Variants in BAIAP2 observed in about 807,000 individuals in gnomAD.
BAIAP2 encodes the protein BAR/IMD domain containing adaptor protein 2.
BAIAP2 carries 18 observed loss-of-function variants against 63.0 expected under a neutral mutation model. That is an observed-to-expected ratio of 0.29 (90% CI 0.20 to 0.42). BAIAP2 has a LOEUF of 0.42. Among genes scored for constraint, BAIAP2 ranks in the 10% least tolerant of loss-of-function variants. The pLI is 1.00. For synonymous variants in BAIAP2, 386 were observed against 307.6 expected, an observed-to-expected ratio of 1.25 and a Z score of -2.67; for missense variants, 610 against 734.3, an observed-to-expected ratio of 0.83 and a Z score of 1.96.
intron 3 of BAIAP2, among the ~76,000 whole-genome samples, chr17:81,068,181 C>G (rs1053723549): frequency 2.0e-5 from 3 of 152,216 alleles, no homozygotes; most frequent in Non-Finnish European, 4.4e-5. Flanking sequence ...ACGGCCGGTG[C>G]TCTCAGGGCG....
chr17:81,093,349 C>T (rs975599223), intron 6 of BAIAP2, among the ~76,000 whole-genome samples: 1 of 152,202 alleles, frequency 6.6e-6, no homozygotes, highest in Non-Finnish European at 1.5e-5. Context: ...GGTAGCATTG[C>T]CCTGTCCACT....
intron 6 of BAIAP2, among the ~76,000 whole-genome samples, chr17:81,092,884 G>A (rs531754940): frequency 4.6e-5 from 7 of 152,290 alleles, no homozygotes; most frequent in South Asian, 2.1e-4. Flanking sequence ...TCCGCGGGGC[G>A]TGGTCACAGC....
At chr17:81,040,800 G>A (rs2046972962) in intron 1 of BAIAP2, among the ~76,000 whole-genome samples, 1 of 152,204 alleles carries the variant, frequency 6.6e-6, no homozygotes, top group South Asian at 2.1e-4. Flanking sequence ...TGAGGAGGTG[G>A]CCCTGGTGTG....
rs1028740031 is a variant in BAIAP2, at chr17:81,098,044, G to A, written c.490-1884G>A. 16 of 1,176,418 alleles carry A rather than the reference G, an allele frequency of 1.4e-5. No individual in the cohort carries two copies. In the South Asian group the frequency reaches 1.5e-4, roughly 11 times the overall value. 72.9% of individuals were successfully genotyped at this position (1,176,418 alleles called of 1,614,324 possible). ...GTGCCATAGGGCTGTGGTGTCACGC[G>A]CTACCCCAGACCTCAGGCACATGAT... On this transcript the variant is annotated intron_variant, in intron 6 of 13. Coordinates refer to ENST00000428708, the MANE Select transcript of BAIAP2 (RefSeq NM_001144888.2).
intron 3 of BAIAP2, among the ~76,000 whole-genome samples, chr17:81,070,091 C>T (rs374230829): frequency 4.6e-5 from 7 of 152,280 alleles, no homozygotes; most frequent in African/African-American, 7.2e-5. Flanking sequence ...TCTGAGTAGC[C>T]AGGACTACAG....
At chr17:81,089,752 C>T (rs1021938453) in intron 6 of BAIAP2, among the ~76,000 whole-genome samples, 7 of 152,076 alleles carry the variant, frequency 4.6e-5, no homozygotes, top group African/African-American at 1.4e-4. Context: ...TGCTAGTTGC[C>T]GAGGCAAATG....
intron 12 of BAIAP2, 173 bp from the exon 13 acceptor site, chr17:81,108,302 G>C: frequency 1.5e-6 from 1 of 661,024 alleles, no homozygotes; most frequent in Non-Finnish European, 2.6e-6. Context: ...ACTGGGACCA[G>C]GGCTCCAGGC....
At chr17:81,109,403 A>T in intron 13 of BAIAP2, 2 of 1,023,454 alleles carry the variant, frequency 2.0e-6, no homozygotes, top group Non-Finnish European at 2.3e-6. Context: ...AAAGAAAAAA[A>T]GAAAAACAGG....
chr17:81,110,861 C>T (rs2146125773), intron 13 of BAIAP2: 1 of 1,611,688 alleles, frequency 6.2e-7, no homozygotes, highest in Non-Finnish European at 8.5e-7. Context: ...CTCTGCACCC[C>T]CGAGTCCTCA....
At chr17:81,100,627 C>T (rs995655222) in intron 7 of BAIAP2, among the ~76,000 whole-genome samples, 1 of 152,162 alleles carries the variant, frequency 6.6e-6, no homozygotes, top group Admixed American at 6.5e-5. Context: ...GCCCCTAGGC[C>T]ACCCAAGACA....
chr17:81,109,396 GA>G (rs1568193293), intron 13 of BAIAP2: 30 of 807,388 alleles, frequency 3.7e-5, no homozygotes, highest in Non-Finnish European at 4.2e-5. Context: ...AAAAAAAAAA[GA>G]AAAAAAGAAA....
At chr17:81,080,517 G>A (rs1056313447) in intron 3 of BAIAP2, among the ~76,000 whole-genome samples, 2 of 152,208 alleles carry the variant, frequency 1.3e-5, no homozygotes, top group Admixed American at 6.5e-5. Flanking sequence ...CTGCACGGGC[G>A]GGTGGTGATG....
intron 3 of BAIAP2, among the ~76,000 whole-genome samples, chr17:81,059,401 C>G (rs1185684296): frequency 2.0e-5 from 3 of 152,104 alleles, no homozygotes; most frequent in Admixed American, 2.0e-4. Context: ...CTGACCGGGT[C>G]TTCAGGGTTT....
chr17:81,047,658 C>T (rs1179082880), intron 1 of BAIAP2, among the ~76,000 whole-genome samples: 3 of 149,036 alleles, frequency 2.0e-5, no homozygotes, highest in East Asian at 4.0e-4. Context: ...AGCTCATGCT[C>T]ATAGCACACA....
chr17:81,104,004 C>T lies in BAIAP2; in HGVS notation c.962C>T (p.Pro321Leu), dbSNP rs748742558. 1.9e-6 allele frequency: 3 copies of T among 1,613,180 alleles called. No individual in the cohort carries two copies. Among genetic ancestry groups the T allele is most frequent in the Admixed American group, 1.7e-5 (1 of 60,026 alleles). ...SPWADRKAAQ[P>L]KSLSPPQSQS... ...TGGGCTGACCGCAAGGCTGCCCAGCCCAAATCCCTGTCTCCTCCGCAGTCT... is the reference window on the plus strand; with the variant it reads ...TGGGCTGACCGCAAGGCTGCCCAGCTCAAATCCCTGTCTCCTCCGCAGTCT... The change falls in exon 9 of 14, where the codon CCC becomes CTC. Residue 321 changes from proline (P) to leucine (L), a missense_variant. Pro to Leu is a moderately conservative substitution (Grantham distance 98). Around this residue, in one of 5 missense-constraint regions of BAIAP2, gnomAD observed 389 missense variants for 455.6 expected, o/e 0.85. Transcript: ENST00000428708.
chr17:81,107,271 G>C (rs964737628), intron 12 of BAIAP2: 13 of 232,064 alleles, frequency 5.6e-5, no homozygotes, highest in Middle Eastern at 1.3e-3. Flanking sequence ...GGAGAGCCAG[G>C]GGGGCAGGAT....
At chr17:81,086,690 A>AC in intron 6 of BAIAP2, 110 bp downstream of exon 6, 3 of 1,291,148 alleles carry the variant, frequency 2.3e-6, no homozygotes, top group Non-Finnish European at 2.2e-6. Flanking sequence ...GTGCGATCAG[A>AC]CAGAGGCAGG....
intron 1 of BAIAP2, among the ~76,000 whole-genome samples, 181 bp downstream of exon 1, chr17:81,035,489 C>T (rs1454811217): frequency 1.3e-5 from 2 of 148,794 alleles, no homozygotes; most frequent in South Asian, 2.1e-4. Flanking sequence ...GTGAGCCCGG[C>T]GCCGGCCGCT....
intron 10 of BAIAP2, chr17:81,104,994 A>ACGGCAGGGATCTCCCCCCAC: frequency 2.8e-6 from 1 of 353,562 alleles, no homozygotes; most frequent in Non-Finnish European, 5.3e-6. Flanking sequence ...TCTCCCCCCA[A>ACGGCAGGGATCTCCCCCCAC]CGGCAGGGAT....
Sources: allele counts gnomAD v4.1 joint callset (sites outside exome capture counted in the v4.1 genomes callset), GRCh38; gene constraint gnomAD v4.1.1; regional missense constraint gnomAD v4.1.1; transcripts MANE v1.5; gene names NCBI Gene and HGNC (gene_info 2026-07-23, HGNC 2026-07-21).